The following MYO7A variants were observed in gnomAD, a reference collection of about 807,000 sequenced individuals.
MYO7A encodes myosin VIIA, also known as unconventional myosin-VIIa.
A neutral mutation model predicts 263.8 loss-of-function variants in MYO7A; 210 were observed. The observed-to-expected ratio is 0.80, with a 90% CI of 0.71 to 0.89. The LOEUF (loss-of-function observed/expected upper bound fraction) is 0.89. Ranked by LOEUF, MYO7A falls within the 40% of genes least tolerant of loss-of-function variation. The probability of loss-of-function intolerance (pLI) is 0.00; values close to 1 mark genes in which losing one functional copy is unlikely to be tolerated. For synonymous variants in MYO7A, 1,239 were observed against 1,197.3 expected, an observed-to-expected ratio of 1.03 and a Z score of -0.72; for missense variants, 2,820 against 2,968.3, an observed-to-expected ratio of 0.95 and a Z score of 1.16.
intron 15 of MYO7A, among the ~76,000 whole-genome samples, chr11:77,171,960 C>A (rs571518156): frequency 6.6e-6 from 1 of 152,190 alleles, no homozygotes; most frequent in African/African-American, 2.4e-5. Context: ...GAGCACAGAA[C>A]CCCTGGCTGC....
At chr11:77,167,962 C>G (rs782678298) in intron 15 of MYO7A, among the ~76,000 whole-genome samples, 16 of 152,150 alleles carry the variant, frequency 1.1e-4, no homozygotes, top group South Asian at 2.1e-4. Context: ...CCCAGGCACT[C>G]GAAGCACTGG....
chr11:77,158,206 C>A (rs782417092), intron 8 of MYO7A, 71 bp from the exon 9 acceptor site: 67 of 1,450,428 alleles, frequency 4.6e-5, no homozygotes, highest in East Asian at 2.6e-4. Context: ...TTTGGGCAGG[C>A]AGCCAGGCAC....
Position 77,214,798 on chromosome 11 carries a change from G to T in MYO7A, c.*102G>T. 9.9e-7 allele frequency: 1 copy of T among 1,010,166 alleles called. No individual in the cohort carries two copies. 62.6% of individuals were successfully genotyped at this position (1,010,166 alleles called of 1,614,324 possible). ...GCTGGGGAAGACTTATGCCATCCCG[G>T]CAGCGAGGCTGGGCTGGCCAGCCAC... On this transcript the variant is annotated 3_prime_UTR_variant, in exon 49 of 49. Transcript: ENST00000409709.
chr11:77,189,508 G>T, intron 28 of MYO7A, 38 bp downstream of exon 28: 2 of 1,612,426 alleles, frequency 1.2e-6, no homozygotes, highest in Non-Finnish European at 1.7e-6. Flanking sequence ...GGGAAGGGGA[G>T]CTAGGCCCTG....
intron 2 of MYO7A, among the ~76,000 whole-genome samples, chr11:77,136,017 T>C (rs1950893894): frequency 6.6e-6 from 1 of 152,184 alleles, no homozygotes; most frequent in Admixed American, 6.5e-5. Flanking sequence ...TTGAAATGGG[T>C]TGTTTGTTTT....
chr11:77,193,474 GTGA>G (rs763204522), intron 31 of MYO7A, among the ~76,000 whole-genome samples: 3 of 151,358 alleles, frequency 2.0e-5, no homozygotes, highest in Admixed American at 6.6e-5. Context: ...AGTGTTGGTA[GTGA>G]TGATGGTGGT....
At chr11:77,204,051 C>T (rs1307718357) in intron 38 of MYO7A, 25 bp from the exon 39 acceptor site, 2 of 1,582,444 alleles carry the variant, frequency 1.3e-6, no homozygotes, top group South Asian at 1.2e-5. Flanking sequence ...CTATTCGGCA[C>T]AAGCCCTTCC....
intron 15 of MYO7A, among the ~76,000 whole-genome samples, chr11:77,172,093 C>T (rs190656886): frequency 3.5e-4 from 54 of 152,322 alleles, no homozygotes; most frequent in East Asian, 1.4e-3. Context: ...GAGAGGTCAC[C>T]GGCAGCTCCC....
chr11:77,177,563 G>C lies in MYO7A; in HGVS notation c.2202G>C (p.Met734Ile). ...CTGCCTCCTAGGACCACCATGACAT[G>C]CTGCTGGAAGTGGAGCGGGACAAAG... ...TKIFLKDHHD[M>I]LLEVERDKAI... The change falls in exon 19 of 49, where the codon ATG becomes ATC. Residue 734 changes from methionine to isoleucine, a missense_variant. Coordinates refer to ENST00000409709, the MANE Select transcript of MYO7A (RefSeq NM_000260.4). 1 of 1,611,216 alleles carries C rather than the reference G, an allele frequency of 6.2e-7. No homozygotes were observed. The highest frequency in any genetic ancestry group is 8.5e-7 in the Non-Finnish European group (1 of 1,179,054).
chr11:77,199,429 G>T, intron 34 of MYO7A, 106 bp from the exon 35 acceptor site: 1 of 1,267,206 alleles, frequency 7.9e-7, no homozygotes, highest in Non-Finnish European at 1.0e-6. Flanking sequence ...GGCCATGCCT[G>T]ACTCTGGCCA....
chr11:77,183,024 C>T (rs1555085905), intron 25 of MYO7A, 44 bp from the exon 26 acceptor site: 3 of 1,514,264 alleles, frequency 2.0e-6, no homozygotes, highest in South Asian at 1.2e-5. Context: ...CTCGACATTG[C>T]TTTCTGCTCA....
intron 15 of MYO7A, among the ~76,000 whole-genome samples, chr11:77,168,158 GTTC>G (rs1953734360): frequency 1.3e-5 from 2 of 151,972 alleles, no homozygotes; most frequent in South Asian, 4.2e-4. Flanking sequence ...CCTCCTACCC[GTTC>G]TTCTCTCTCC....
intron 21 of MYO7A, among the ~76,000 whole-genome samples, 157 bp from the exon 22 acceptor site, chr11:77,180,217 C>G (rs1349979330): frequency 6.6e-6 from 1 of 151,994 alleles, no homozygotes; most frequent in Non-Finnish European, 1.5e-5. Flanking sequence ...TGCCTCCAGC[C>G]CGCTGGGTGA....
chr11:77,180,639 T>C (rs1245437589), intron 22 of MYO7A, among the ~76,000 whole-genome samples, 158 bp downstream of exon 22: 1 of 152,248 alleles, frequency 6.6e-6, no homozygotes, highest in Non-Finnish European at 1.5e-5. Flanking sequence ...GAGCTCTCGC[T>C]GGGCACCTGG....
intron 39 of MYO7A, among the ~76,000 whole-genome samples, chr11:77,204,846 G>T (rs1267876142): frequency 6.6e-6 from 1 of 152,162 alleles, no homozygotes; most frequent in Non-Finnish European, 1.5e-5. Context: ...TTTTGACAGT[G>T]CCAAACCTTT....
In MYO7A at chr11:77,203,040, C is replaced by G; in HGVS notation, c.5169-20C>G. On this transcript the variant is annotated intron_variant, in intron 37 of 48. Transcript: ENST00000409709. ...GCTGCCAGCGATGGGGCGTTGCTGA[C>G]GGTCCCTGTGCTGCGGCAGGCCCCC... The G allele has an allele frequency of 6.5e-7, 1 of 1,545,320 alleles. No homozygotes were observed. The highest frequency in any genetic ancestry group is 8.7e-7 in the Non-Finnish European group (1 of 1,145,076).
intron 14 of MYO7A, among the ~76,000 whole-genome samples, chr11:77,165,759 C>T (rs1953478690): frequency 6.6e-6 from 1 of 152,170 alleles, no homozygotes; most frequent in Non-Finnish European, 1.5e-5. Flanking sequence ...TCAAAAGACT[C>T]ATGGTAGCTT....
intron 35 of MYO7A, among the ~76,000 whole-genome samples, chr11:77,200,037 G>C (rs1331994135): frequency 6.6e-6 from 1 of 152,206 alleles, no homozygotes; most frequent in Non-Finnish European, 1.5e-5. Flanking sequence ...GGGAGGCTGA[G>C]ATGGGAGGAT....
In MYO7A at chr11:77,189,391, C is replaced by T. The variant is rs1955866554; in HGVS notation, c.3551C>T (p.Ser1184Phe). Residue 1184 changes from serine (S) to phenylalanine (F), a missense_variant, in exon 28 of 49, where the codon TCC becomes TTC. Ser to Phe is a radical substitution (Grantham distance 155). Coordinates refer to ENST00000409709, the MANE Select transcript of MYO7A (RefSeq NM_000260.4). ...QISKQLTHNP[S>F]KSSYARGWIL... ...AGCAAGCAGCTGACCCACAACCCCT[C>T]CAAGAGCAGCTATGCCCGGGGCTGG... 4 of 1,613,876 alleles carry T rather than the reference C, an allele frequency of 2.5e-6. No individual in the cohort carries two copies. The highest frequency in any genetic ancestry group is 3.4e-6 in the Non-Finnish European group (4 of 1,179,904).
Sources: gnomAD v4.1 joint callset for allele counts (sites outside exome capture counted in the v4.1 genomes callset) on GRCh38, gnomAD v4.1.1 for gene constraint, MANE v1.5 for transcripts, NCBI Gene and HGNC (gene_info 2026-07-23, HGNC 2026-07-21) for gene names.